Variants in TMEM39A observed in about 807,000 individuals in gnomAD.
TMEM39A encodes the protein suppressor of SQST-1 aggregates in rpl-43 mutants.
In TMEM39A, 19 loss-of-function variants were observed where a neutral mutation model predicts 51.9. The ratio of observed to expected loss-of-function variants is 0.37; its 90% CI spans 0.26 to 0.54. The LOEUF is 0.54. TMEM39A is among the 20% of genes least tolerant of loss of function. TMEM39A has a pLI of 0.88. For synonymous variants in TMEM39A, 197 were observed against 220.2 expected (o/e 0.89, Z 0.93); for missense variants, 433 against 590.5 (o/e 0.73, Z 2.76).
intron 7 of TMEM39A, chr3:119,436,020 T>A: frequency 2.1e-6 from 2 of 949,458 alleles, no homozygotes; most frequent in Non-Finnish European, 2.9e-6. Flanking sequence ...CTGTCCCACT[T>A]AACTAGGGAA....
At chr3:119,439,383 C>T (rs550504690) in intron 5 of TMEM39A, among the ~76,000 whole-genome samples, 24 of 152,158 alleles carry the variant, frequency 1.6e-4, no homozygotes, top group African/African-American at 5.8e-4. Flanking sequence ...GAGTTCAAGA[C>T]CAGCCTGGTC....
At chr3:119,457,340 A>G (rs148050119) in intron 3 of TMEM39A, among the ~76,000 whole-genome samples, 1 of 152,336 alleles carries the variant, frequency 6.6e-6, no homozygotes, top group Non-Finnish European at 1.5e-5. Context: ...TACTTCAGCA[A>G]AGACAGCCAA....
At position 119,435,912 on chromosome 3, in the gene TMEM39A, C is replaced by T. The variant is rs1156959647; in HGVS notation, c.1112+879G>A. On this transcript the variant is annotated intron_variant, in intron 7 of 8. Coordinates refer to ENST00000319172, the MANE Select transcript of TMEM39A (RefSeq NM_018266.3). Reference sequence around the variant, plus strand: ...AGCCTGGCCCAATCTCTTTCAGTTCCTGGGCTTGAAGGCCTGTGCTAATCT... The same window carrying T: ...AGCCTGGCCCAATCTCTTTCAGTTCTTGGGCTTGAAGGCCTGTGCTAATCT... 7.0e-6 allele frequency: 9 copies of T among 1,289,538 alleles called. No homozygotes were observed. The East Asian group carries it at 5.0e-4, about 71-fold the overall frequency. The allele number at this position is 1,289,538 out of a possible 1,614,324, so 79.9% of individuals were successfully genotyped here.
chr3:119,454,888 T>A lies in TMEM39A; in HGVS notation c.337-2358A>T, dbSNP rs1469502700. Reference sequence around the variant, plus strand: ...AAATGGTAATGTGCTTATGATTAACTCTTTGTAACCCAGAATATTTGATTA... The same window carrying A: ...AAATGGTAATGTGCTTATGATTAACACTTTGTAACCCAGAATATTTGATTA... On this transcript the variant is annotated intron_variant, in intron 3 of 8. Transcript: ENST00000319172. Among the ~76,000 whole-genome samples the A allele has an allele frequency of 2.6e-5, 4 of 152,238 alleles. No individual in the cohort carries two copies. The East Asian group carries it at 7.7e-4, about 29-fold the overall frequency.
chr3:119,457,221 T>C (rs1405662888), intron 3 of TMEM39A, among the ~76,000 whole-genome samples: 1 of 152,210 alleles, frequency 6.6e-6, no homozygotes, highest in East Asian at 1.9e-4. Flanking sequence ...CCGCCCGCAT[T>C]AGCCTCCCAA....
At chr3:119,460,681 G>C (rs1206732337) in intron 2 of TMEM39A, among the ~76,000 whole-genome samples, 1 of 152,074 alleles carries the variant, frequency 6.6e-6, no homozygotes, top group Non-Finnish European at 1.5e-5. Flanking sequence ...TAATTATCTA[G>C]AGGAATCCTC....
chr3:119,450,826 C>CAAAAAAAAA (rs60326718), intron 4 of TMEM39A, among the ~76,000 whole-genome samples: 12 of 55,896 alleles, frequency 2.1e-4, no homozygotes, highest in African/African-American at 7.3e-4. Flanking sequence ...GACTCCATCT[C>CAAAAAAAAA]AAAAAAAAAA....
chr3:119,458,358 CCAT>C, intron 2 of TMEM39A, 118 bp from the exon 3 acceptor site: 1 of 792,338 alleles, frequency 1.3e-6, no homozygotes, highest in South Asian at 1.8e-5. Flanking sequence ...CCACAAGACT[CCAT>C]CCTGGGATCC....
intron 3 of TMEM39A, among the ~76,000 whole-genome samples, chr3:119,454,042 C>A (rs1009184230): frequency 6.6e-6 from 1 of 152,032 alleles, no homozygotes; most frequent in African/African-American, 2.4e-5. Context: ...GCTCTGGGGA[C>A]AAAGGGCCCC....
intron 4 of TMEM39A, among the ~76,000 whole-genome samples, chr3:119,447,542 A>G (rs2107675989): frequency 6.6e-6 from 1 of 152,308 alleles, no homozygotes; most frequent in South Asian, 2.1e-4. Context: ...CTTTCCTCTC[A>G]AGGGGTAAGG....
chr3:119,453,547 C>T (rs913844272), intron 3 of TMEM39A, among the ~76,000 whole-genome samples: 2 of 152,242 alleles, frequency 1.3e-5, no homozygotes, highest in East Asian at 1.9e-4. Flanking sequence ...GTAATACGCA[C>T]AACTTCTAAG....
intron 5 of TMEM39A, among the ~76,000 whole-genome samples, chr3:119,441,429 T>G (rs2081052381): frequency 1.3e-5 from 2 of 152,224 alleles, no homozygotes; most frequent in Non-Finnish European, 2.9e-5. Context: ...AAAGTTTTGC[T>G]GATATGGTCT....
intron 4 of TMEM39A, among the ~76,000 whole-genome samples, chr3:119,449,630 C>G (rs544191891): frequency 6.6e-6 from 1 of 151,898 alleles, no homozygotes; most frequent in East Asian, 1.9e-4. Context: ...CTGCCCCCCA[C>G]CCCCCAAAAA....
At chr3:119,462,316 T>C (rs2081349158) in intron 1 of TMEM39A, among the ~76,000 whole-genome samples, 168 bp from the exon 2 acceptor site, 1 of 151,534 alleles carries the variant, frequency 6.6e-6, no homozygotes, top group South Asian at 2.1e-4. Context: ...CAGACTCTAA[T>C]GGGTCAAAAG....
At chr3:119,451,557 A>G (rs944140957) in intron 4 of TMEM39A, among the ~76,000 whole-genome samples, 5 of 152,196 alleles carry the variant, frequency 3.3e-5, no homozygotes, top group African/African-American at 7.2e-5. Flanking sequence ...GAGGCCAGGC[A>G]TGGTGGCTCA....
At position 119,443,960 on chromosome 3, in the gene TMEM39A, A is replaced by G. The variant is rs560217443; in HGVS notation, c.575+3058T>C. ...ATAGACTACAGTATAGTGTACACAT[A>G]ACTTTCATATGCACTAGGAAATCAA... On this transcript the variant is annotated intron_variant, in intron 5 of 8. Transcript: ENST00000319172. Among the ~76,000 whole-genome samples the G allele has an allele frequency of 5.3e-5, 8 of 152,270 alleles. No homozygotes were observed. The South Asian group carries it at 1.5e-3, about 28-fold the overall frequency.
Position 119,438,107 on chromosome 3 carries a change from T to C in TMEM39A, c.576-4A>G. On this transcript the variant is annotated splice_region_variant and splice_polypyrimidine_tract_variant and intron_variant, in intron 5 of 8. Transcript: ENST00000319172. ...AAGAGGAACATAAACACCAAACCTG[T>C]AAAACAAAGTGTGAAAATGAGACCA... 1 of 1,574,558 alleles carries C rather than the reference T, an allele frequency of 6.4e-7. No individual in the cohort carries two copies. Among genetic ancestry groups the C allele is most frequent in the Non-Finnish European group, 8.7e-7 (1 of 1,151,670 alleles).
At chr3:119,447,535 T>C (rs2081144228) in intron 4 of TMEM39A, among the ~76,000 whole-genome samples, 1 of 152,172 alleles carries the variant, frequency 6.6e-6, no homozygotes, top group Admixed American at 6.5e-5. Context: ...CTAACAACTT[T>C]CCTCTCAAGG....
intron 4 of TMEM39A, among the ~76,000 whole-genome samples, chr3:119,451,844 A>AAAG (rs2081204266): frequency 6.6e-6 from 1 of 151,176 alleles, no homozygotes; most frequent in Non-Finnish European, 1.5e-5. Flanking sequence ...AAAAAAAAAA[A>AAAG]AAAAAAAAGG....
Sources: gnomAD v4.1 joint callset for allele counts (sites outside exome capture counted in the v4.1 genomes callset) on GRCh38, gnomAD v4.1.1 for gene constraint, MANE v1.5 for transcripts, NCBI Gene and HGNC (gene_info 2026-07-23, HGNC 2026-07-21) for gene names.